The following MMP16 variants were observed in gnomAD, a reference collection of about 807,000 sequenced individuals.
MMP16 encodes matrix metallopeptidase 16.
Under a neutral mutation model 67.8 loss-of-function variants are expected in MMP16, and 12 were observed. That is an observed-to-expected ratio of 0.18 (90% confidence interval 0.11 to 0.29). The LOEUF (loss-of-function observed/expected upper bound fraction) is 0.29. Among genes scored for constraint, MMP16 ranks in the 10% least tolerant of loss-of-function variants. The pLI is 1.00. For missense variants in MMP16, 475 were observed against 765.7 expected, an observed-to-expected ratio of 0.62 and a Z score of 4.48; for synonymous variants, 249 against 255.9, an observed-to-expected ratio of 0.97 and a Z score of 0.26.
At chr8:88,116,801 T>G in intron 5 of MMP16, 83 bp from the exon 6 acceptor site, 1 of 1,242,730 alleles carries the variant, frequency 8.0e-7, no homozygotes, top group South Asian at 1.3e-5. Context: ...CAATCACTTA[T>G]CAGCAGAAGG....
At chr8:88,170,345 A>G (rs1382745093) in intron 3 of MMP16, among the ~76,000 whole-genome samples, 2 of 152,222 alleles carry the variant, frequency 1.3e-5, no homozygotes, top group Non-Finnish European at 2.9e-5. Context: ...AAACATCTAC[A>G]CTGAGATAGC....
intron 1 of MMP16, among the ~76,000 whole-genome samples, chr8:88,264,145 A>G (rs1351851602): frequency 6.6e-6 from 1 of 151,638 alleles, no homozygotes; most frequent in Non-Finnish European, 1.5e-5. Context: ...AAAGAAGTCA[A>G]TATGTATTTA....
chr8:88,063,555 T>G (rs1808427796), intron 7 of MMP16, among the ~76,000 whole-genome samples: 1 of 151,732 alleles, frequency 6.6e-6, no homozygotes, highest in African/African-American at 2.4e-5. Context: ...TTGACTCCCT[T>G]GAACTGAGCC....
intron 7 of MMP16, among the ~76,000 whole-genome samples, chr8:88,073,176 A>AG (rs1490819520): frequency 3.3e-5 from 5 of 152,116 alleles, no homozygotes; most frequent in African/African-American, 1.2e-4. Flanking sequence ...GGTGTAGGAG[A>AG]GGGGAATTTC....
At chr8:88,201,868 C>T (rs938078218) in intron 1 of MMP16, among the ~76,000 whole-genome samples, 3 of 152,012 alleles carry the variant, frequency 2.0e-5, no homozygotes, top group African/African-American at 4.8e-5. Context: ...CCAGAAATAC[C>T]ATATACTTAC....
intron 4 of MMP16, among the ~76,000 whole-genome samples, chr8:88,154,037 C>T (rs1175591581): frequency 2.7e-5 from 4 of 146,606 alleles, no homozygotes; most frequent in African/African-American, 7.6e-5. Flanking sequence ...ACAAACAACC[C>T]CATCAAAAAG....
At chr8:88,170,783 G>T (rs1487710135) in intron 3 of MMP16, among the ~76,000 whole-genome samples, 1 of 152,174 alleles carries the variant, frequency 6.6e-6, no homozygotes, top group Admixed American at 6.6e-5. Context: ...AACAAACATG[G>T]CCAGTTCAAA....
chr8:88,051,941 G>A (rs1808276659), intron 8 of MMP16, among the ~76,000 whole-genome samples: 1 of 152,162 alleles, frequency 6.6e-6, no homozygotes. Context: ...GTAGGAATCT[G>A]AGGGACTGAG....
chr8:88,260,669 G>A (rs1351619228), intron 1 of MMP16, among the ~76,000 whole-genome samples: 1 of 151,230 alleles, frequency 6.6e-6, no homozygotes, highest in African/African-American at 2.4e-5. Context: ...AAATTATTAG[G>A]GAAAAAAACT....
intron 4 of MMP16, among the ~76,000 whole-genome samples, chr8:88,136,019 G>T (rs941815006): frequency 6.6e-6 from 1 of 151,800 alleles, no homozygotes; most frequent in African/African-American, 2.4e-5. Context: ...AAAATCCATG[G>T]GTCAAAATGT....
chr8:88,149,330 C>CG (rs1554581197), intron 4 of MMP16, among the ~76,000 whole-genome samples: 17 of 152,266 alleles, frequency 1.1e-4, no homozygotes, highest in Non-Finnish European at 2.4e-4. Context: ...ACAAAGCAGC[C>CG]GGGAACCTCG....
At chr8:88,243,840 G>T (rs1258601221) in intron 1 of MMP16, among the ~76,000 whole-genome samples, 1 of 152,064 alleles carries the variant, frequency 6.6e-6, no homozygotes, top group Non-Finnish European at 1.5e-5. Context: ...CTAGGTAATA[G>T]TCCTCGGGTT....
intron 1 of MMP16, among the ~76,000 whole-genome samples, chr8:88,236,125 G>C (rs532940215): frequency 1.3e-5 from 2 of 152,282 alleles, no homozygotes; most frequent in South Asian, 4.1e-4. Context: ...ATTTGTGCAG[G>C]GAGATGAAAA....
chr8:88,276,037 C>G (rs551011493), intron 1 of MMP16, among the ~76,000 whole-genome samples: 2 of 152,076 alleles, frequency 1.3e-5, no homozygotes, highest in African/African-American at 4.8e-5. Flanking sequence ...TTTTTGAAAT[C>G]CAGTGTACTG....
rs1808440996 is a variant in MMP16 at position 88,064,610 on chromosome 8, G to T, written c.1223-8332C>A. Among the ~76,000 whole-genome samples the T allele has an allele frequency of 3.3e-5, 5 of 152,174 alleles. No individual in the cohort carries two copies. In the South Asian group the frequency reaches 1.0e-3, roughly 32 times the overall value. The stretch of plus-strand genomic sequence containing the variant: ...ACTCACACTGTAGGTGCCTCAGGCT[G>T]TCCCAATAAATGGTTATAACACAGT... On this transcript the variant is annotated intron_variant, in intron 7 of 9. Coordinates refer to ENST00000286614, the MANE Select transcript of MMP16 (RefSeq NM_005941.5).
chr8:88,290,498 A>G (rs928577876), intron 1 of MMP16, among the ~76,000 whole-genome samples: 3 of 152,096 alleles, frequency 2.0e-5, no homozygotes, highest in Admixed American at 2.0e-4. Flanking sequence ...GCTTGCAATG[A>G]GCAGATATTG....
chr8:88,272,862 A>C (rs1212326193), intron 1 of MMP16, among the ~76,000 whole-genome samples: 1 of 152,158 alleles, frequency 6.6e-6, no homozygotes, highest in Non-Finnish European at 1.5e-5. Flanking sequence ...AGAAGCTTGG[A>C]ATATCTGACC....
At chr8:88,287,033 T>C (rs1053249876) in intron 1 of MMP16, among the ~76,000 whole-genome samples, 5 of 152,300 alleles carry the variant, frequency 3.3e-5, no homozygotes, top group Admixed American at 2.6e-4. Context: ...CTGGTTTCAA[T>C]TCAATACTTT....
chr8:88,326,361 G>A (rs755705180), intron 1 of MMP16, among the ~76,000 whole-genome samples: 2 of 152,112 alleles, frequency 1.3e-5, no homozygotes, highest in Admixed American at 1.3e-4. Flanking sequence ...GCAAATGACA[G>A]TCTAAAACCT....
Sources: allele counts gnomAD v4.1 joint callset (sites outside exome capture counted in the v4.1 genomes callset), GRCh38; gene constraint gnomAD v4.1.1; transcripts MANE v1.5; gene names NCBI Gene and HGNC (gene_info 2026-07-23, HGNC 2026-07-21).